Variants in ARID5B observed in about 807,000 individuals in gnomAD.
ARID5B encodes AT-rich interactive domain-containing protein 5B.
ARID5B carries 13 observed loss-of-function variants against 97.2 expected under a neutral mutation model. The observed-to-expected ratio is 0.13, with a 90% confidence interval of 0.09 to 0.21. The LOEUF is 0.21. Ranked by LOEUF, ARID5B falls within the 10% of genes least tolerant of loss-of-function variation. The pLI is 1.00. For synonymous variants in ARID5B, 556 were observed against 570.3 expected, an observed-to-expected ratio of 0.97 and a Z score of 0.36; for missense variants, 1,210 against 1,465.3, an observed-to-expected ratio of 0.83 and a Z score of 2.84.
chr10:62,038,808 G>T (rs373829261), intron 4 of ARID5B, among the ~76,000 whole-genome samples: 1 of 151,984 alleles, frequency 6.6e-6, no homozygotes, highest in African/African-American at 2.4e-5. Flanking sequence ...TTTTTTGGTC[G>T]TCCCACCGCA....
intron 3 of ARID5B, among the ~76,000 whole-genome samples, chr10:61,966,771 C>T (rs1207245372): frequency 6.6e-6 from 1 of 152,100 alleles, no homozygotes; most frequent in African/African-American, 2.4e-5. Context: ...GTGAAACATC[C>T]CTGGTGCTTT....
intron 4 of ARID5B, among the ~76,000 whole-genome samples, chr10:62,035,855 G>A (rs548483479): frequency 6.8e-6 from 1 of 148,054 alleles, no homozygotes; most frequent in African/African-American, 2.5e-5. Flanking sequence ...ACAGAGTCTC[G>A]ATCTTGTCAC....
chr10:61,975,344 G>T (rs1409171953), intron 3 of ARID5B, among the ~76,000 whole-genome samples: 1 of 152,194 alleles, frequency 6.6e-6, no homozygotes, highest in Middle Eastern at 3.2e-3. Flanking sequence ...CACACTGGAA[G>T]TAGAGGTCTG....
intron 8 of ARID5B, among the ~76,000 whole-genome samples, chr10:62,076,814 T>C (rs1308009776): frequency 6.6e-6 from 1 of 152,090 alleles, no homozygotes; most frequent in Non-Finnish European, 1.5e-5. Flanking sequence ...GTGCGGTGGG[T>C]AGACTCTGCC....
intron 4 of ARID5B, among the ~76,000 whole-genome samples, chr10:62,046,233 A>G (rs1039631612): frequency 1.3e-5 from 2 of 152,246 alleles, no homozygotes; most frequent in African/African-American, 4.8e-5. Flanking sequence ...GGAAGAACAC[A>G]GTAGAAAAAA....
chr10:61,956,786 C>G (rs1838396886), intron 3 of ARID5B, among the ~76,000 whole-genome samples: 1 of 152,182 alleles, frequency 6.6e-6, no homozygotes, highest in African/African-American at 2.4e-5. Flanking sequence ...CTTAATTTTA[C>G]TTTTTATATA....
In ARID5B at chr10:62,028,089, G is replaced by A. The variant is rs148016552; in HGVS notation, c.734-22799G>A. On this transcript the variant is annotated intron_variant, in intron 4 of 9. Transcript: ENST00000279873. ...TCACAGAAAACACACTTGATTCTGC[G>A]TCCCTGGAAAACAAGAATCCTATCT... is the stretch of plus-strand genomic sequence containing the variant. Among the ~76,000 whole-genome samples, 497 of 152,282 alleles carry A rather than the reference G, an allele frequency of 3.3e-3. 3 individuals carry two copies. Among genetic ancestry groups the A allele is most frequent in the African/African-American group, 0.011 (459 of 41,560 alleles).
chr10:61,915,912 T>C (rs922161792), intron 2 of ARID5B, among the ~76,000 whole-genome samples: 5 of 152,090 alleles, frequency 3.3e-5, no homozygotes, highest in Non-Finnish European at 1.5e-5. Flanking sequence ...CCCACCACCA[T>C]GCCTGGCTAA....
At chr10:62,047,147 T>G (rs1839720831) in intron 4 of ARID5B, among the ~76,000 whole-genome samples, 1 of 152,090 alleles carries the variant, frequency 6.6e-6, no homozygotes, top group Admixed American at 6.5e-5. Flanking sequence ...GACAAGTAAT[T>G]TCATCTCTGT....
At chr10:62,083,048 T>TAC (rs367825532) in intron 8 of ARID5B, among the ~76,000 whole-genome samples, 2,346 of 151,286 alleles carry the variant, frequency 0.016, 57 homozygotes, top group African/African-American at 0.052. Context: ...GGTTGACCTT[T>TAC]ACACACACAC....
At chr10:61,974,921 C>G (rs941185563) in intron 3 of ARID5B, among the ~76,000 whole-genome samples, 1 of 150,588 alleles carries the variant, frequency 6.6e-6, no homozygotes, top group African/African-American at 2.5e-5. Flanking sequence ...AGCCTGGGGT[C>G]TCGGGGGCAG....
intron 4 of ARID5B, among the ~76,000 whole-genome samples, chr10:62,027,675 T>G (rs1839440522): frequency 6.6e-6 from 1 of 152,034 alleles, no homozygotes; most frequent in Non-Finnish European, 1.5e-5. Flanking sequence ...AGTATGCACC[T>G]TTTTTAACTT....
At chr10:62,085,163 T>G (rs1269102897) in intron 8 of ARID5B, among the ~76,000 whole-genome samples, 1 of 152,128 alleles carries the variant, frequency 6.6e-6, no homozygotes, top group Admixed American at 6.5e-5. Context: ...AAAAAGAGAA[T>G]AATAATAATA....
intron 3 of ARID5B, among the ~76,000 whole-genome samples, chr10:61,990,045 T>C (rs1363955079): frequency 3.3e-5 from 5 of 152,282 alleles, no homozygotes; most frequent in Non-Finnish European, 5.9e-5. Context: ...GCCCCATCCC[T>C]ATGTAGGTTC....
rs1490566120 is a variant in ARID5B at position 62,091,703 on chromosome 10, G to A, written c.2240G>A (p.Ser747Asn). The stretch of plus-strand genomic sequence containing the variant: ...CAAAGCACTGACCATATGGCGGTCA[G>A]CCGGCCATCAGTGATTCAGCACGTC... Reference protein sequence around the residue: ...HGQSTDHMAVSRPSVIQHVQS... With the variant: ...HGQSTDHMAVNRPSVIQHVQS... Residue 747 changes from serine to asparagine, a missense_variant, in exon 10 of 10, where the codon AGC (serine) becomes AAC (asparagine). Coordinates refer to ENST00000279873, the MANE Select transcript of ARID5B (RefSeq NM_032199.3). 1.9e-6 allele frequency: 3 copies of A among 1,614,140 alleles called. No individual in the cohort carries two copies. Among genetic ancestry groups the A allele is most frequent in the African/African-American group, 1.3e-5 (1 of 75,048 alleles).
In ARID5B at chr10:62,030,232, C is replaced by A. The variant is rs528854086; in HGVS notation, c.734-20656C>A. On this transcript the variant is annotated intron_variant, in intron 4 of 9. Coordinates refer to ENST00000279873, the MANE Select transcript of ARID5B (RefSeq NM_032199.3). Reference sequence around the variant, plus strand: ...GCAACTTCCGCCTCCTGGGTTCAAGCGATTCTCCTGTCTCAGCCTCCCGAG... The same window carrying A: ...GCAACTTCCGCCTCCTGGGTTCAAGAGATTCTCCTGTCTCAGCCTCCCGAG... 3.6e-3 allele frequency among the ~76,000 whole-genome samples: 551 copies of A among 151,984 alleles called. 5 individuals are homozygous for A. The highest frequency in any genetic ancestry group is 0.013 in the African/African-American group (525 of 41,418).
chr10:61,949,305 T>C (rs1192489977), intron 3 of ARID5B, among the ~76,000 whole-genome samples: 2 of 152,240 alleles, frequency 1.3e-5, no homozygotes, highest in African/African-American at 4.8e-5. Flanking sequence ...CTATTTTTTC[T>C]AGCAGTTTGT....
intron 3 of ARID5B, among the ~76,000 whole-genome samples, chr10:61,953,222 A>G (rs1336346359): frequency 6.6e-6 from 1 of 152,220 alleles, no homozygotes; most frequent in East Asian, 1.9e-4. Flanking sequence ...GTATTCTGTT[A>G]GGCCTTACAA....
At chr10:61,923,504 G>A (rs1443863677) in intron 2 of ARID5B, among the ~76,000 whole-genome samples, 7 of 152,082 alleles carry the variant, frequency 4.6e-5, no homozygotes, top group East Asian at 1.9e-4. Flanking sequence ...GCATAGAGTC[G>A]GTGTTCAATA....
Sources: gnomAD v4.1 joint callset for allele counts (sites outside exome capture counted in the v4.1 genomes callset) on GRCh38, gnomAD v4.1.1 for gene constraint, MANE v1.5 for transcripts, NCBI Gene and HGNC (gene_info 2026-07-23, HGNC 2026-07-21) for gene names.